FSTL5: variants seen among roughly 807,000 people sequenced by gnomAD.
FSTL5 encodes follistatin like 5.
A neutral mutation model predicts 89.1 loss-of-function variants in FSTL5; 62 were observed. That is an observed-to-expected ratio of 0.70 (90% CI 0.57 to 0.86). FSTL5 has a LOEUF of 0.86. FSTL5 is among the 40% of genes least tolerant of loss of function. FSTL5 has a pLI of 0.00. For missense variants in FSTL5, 1,057 were observed against 1,001.6 expected (o/e 1.06, Z -0.75); for synonymous variants, 383 against 346.2 (o/e 1.11, Z -1.18).
At chr4:161,419,674 C>T (rs929320203) in intron 15 of FSTL5, among the ~76,000 whole-genome samples, 5 of 152,124 alleles carry the variant, frequency 3.3e-5, no homozygotes, top group Non-Finnish European at 5.9e-5. Flanking sequence ...TGGCATTCAC[C>T]TCACTCAGAA....
chr4:161,417,105 ATTTAG>A (rs974293792), intron 15 of FSTL5, among the ~76,000 whole-genome samples: 2 of 152,118 alleles, frequency 1.3e-5, no homozygotes, highest in African/African-American at 4.8e-5. Flanking sequence ...TTTATATGTT[ATTTAG>A]TTTAAAGTCA....
chr4:161,973,886 A>G (rs1735556703), intron 3 of FSTL5, among the ~76,000 whole-genome samples: 2 of 152,188 alleles, frequency 1.3e-5, no homozygotes, highest in Admixed American at 6.5e-5. Flanking sequence ...AATCTCCTTA[A>G]GCTGATAAGG....
At chr4:161,552,985 C>T (rs1404744538) in intron 8 of FSTL5, among the ~76,000 whole-genome samples, 1 of 151,416 alleles carries the variant, frequency 6.6e-6, no homozygotes, top group African/African-American at 2.4e-5. Context: ...ATTGGCAACA[C>T]ATGAAAAAAA....
At chr4:161,482,685 T>C (rs910224633) in intron 12 of FSTL5, among the ~76,000 whole-genome samples, 2 of 152,208 alleles carry the variant, frequency 1.3e-5, no homozygotes, top group Non-Finnish European at 2.9e-5. Context: ...TTTCTCAGGC[T>C]GCATAACCAT....
chr4:161,999,947 A>G (rs1279592566), intron 3 of FSTL5, among the ~76,000 whole-genome samples: 1 of 152,190 alleles, frequency 6.6e-6, no homozygotes, highest in African/African-American at 2.4e-5. Context: ...AACACAAGTA[A>G]AAGTTTTTGG....
chr4:161,592,518 G>A (rs1189809447), intron 7 of FSTL5, among the ~76,000 whole-genome samples: 1 of 151,762 alleles, frequency 6.6e-6, no homozygotes, highest in African/African-American at 2.4e-5. Flanking sequence ...GTGAGAACAT[G>A]TAGTGTTTGG....
intron 1 of FSTL5, among the ~76,000 whole-genome samples, chr4:162,133,107 T>G (rs72986933): frequency 6.6e-6 from 1 of 152,044 alleles, no homozygotes; most frequent in Non-Finnish European, 1.5e-5. Context: ...CCGCCATGCC[T>G]GGCTAATATT....
intron 4 of FSTL5, among the ~76,000 whole-genome samples, chr4:161,898,207 C>T (rs868121304): frequency 1.3e-5 from 2 of 150,252 alleles, no homozygotes; most frequent in Admixed American, 1.3e-4. Context: ...TAATTTATCA[C>T]ACAGTATATT....
intron 7 of FSTL5, among the ~76,000 whole-genome samples, chr4:161,611,894 G>C (rs1734667679): frequency 1.3e-5 from 2 of 152,190 alleles, no homozygotes; most frequent in African/African-American, 4.8e-5. Flanking sequence ...GGTCAGAGCT[G>C]CTGTAGTTAA....
chr4:161,721,708 T>G (rs1293880278), intron 6 of FSTL5, among the ~76,000 whole-genome samples: 3 of 152,146 alleles, frequency 2.0e-5, no homozygotes, highest in Admixed American at 6.6e-5. Context: ...TGGGCTAGGA[T>G]ATAAGTCACA....
intron 4 of FSTL5, among the ~76,000 whole-genome samples, chr4:161,866,752 C>T (rs1732105619): frequency 1.3e-5 from 2 of 151,752 alleles, no homozygotes; most frequent in Non-Finnish European, 2.9e-5. Flanking sequence ...CATTTTTCTG[C>T]ATATTAAATG....
At chr4:161,874,730 T>C (rs12650401) in intron 4 of FSTL5, among the ~76,000 whole-genome samples, 6,014 of 152,196 alleles carry the variant, frequency 0.04, 188 homozygotes, top group East Asian at 0.15. Flanking sequence ...AACCTTTTCA[T>C]TAACTTTTTT....
chr4:161,687,784 G>A (rs1386899374), intron 6 of FSTL5, among the ~76,000 whole-genome samples: 1 of 152,120 alleles, frequency 6.6e-6, no homozygotes, highest in African/African-American at 2.4e-5. Context: ...TATCAACAGA[G>A]GGAAAATGTT....
chr4:161,981,834 G>A lies in FSTL5; in HGVS notation c.160+51791C>T, dbSNP rs184363167. On this transcript the variant is annotated intron_variant, in intron 3 of 15. Transcript: ENST00000306100. ...TAAATACTGACATTAAAATAAACTC[G>A]TAAAATTAGCATACTACCTTTACAT... Among the ~76,000 whole-genome samples, 11 of 152,066 alleles carry A rather than the reference G, an allele frequency of 7.2e-5. No individual in the cohort carries two copies. The East Asian group carries it at 1.2e-3, about 16-fold the overall frequency.
At chr4:161,521,603 C>T (rs1246613987) in intron 10 of FSTL5, among the ~76,000 whole-genome samples, 4 of 152,004 alleles carry the variant, frequency 2.6e-5, no homozygotes, top group Non-Finnish European at 5.9e-5. Context: ...AACCCCAGCA[C>T]TTTGAGAAGC....
At chr4:161,795,256 A>T (rs1031248773) in intron 4 of FSTL5, among the ~76,000 whole-genome samples, 2 of 152,254 alleles carry the variant, frequency 1.3e-5, no homozygotes, top group Admixed American at 1.3e-4. Flanking sequence ...ACAACATTAC[A>T]TTGTATTTCA....
At chr4:162,107,366 G>A (rs939816193) in intron 2 of FSTL5, among the ~76,000 whole-genome samples, 1 of 152,162 alleles carries the variant, frequency 6.6e-6, no homozygotes, top group Non-Finnish European at 1.5e-5. Context: ...AGCTAACAGA[G>A]TACCCGCTAT....
chr4:161,398,061 C>T (rs903596936), intron 15 of FSTL5, among the ~76,000 whole-genome samples: 27 of 151,928 alleles, frequency 1.8e-4, no homozygotes, highest in African/African-American at 5.8e-4. Flanking sequence ...TTGGTAGAAA[C>T]GTAATTGTTT....
intron 4 of FSTL5, among the ~76,000 whole-genome samples, chr4:161,912,928 T>C (rs974869498): frequency 1.3e-5 from 2 of 152,130 alleles, no homozygotes; most frequent in African/African-American, 4.8e-5. Context: ...GGTGACTCTT[T>C]TTATGTTTTA....
Sources: gnomAD v4.1 joint callset for allele counts (sites outside exome capture counted in the v4.1 genomes callset) on GRCh38, gnomAD v4.1.1 for gene constraint, MANE v1.5 for transcripts, NCBI Gene and HGNC (gene_info 2026-07-23, HGNC 2026-07-21) for gene names.